DNER: variants seen among roughly 807,000 people sequenced by gnomAD.
DNER encodes the protein delta/notch like EGF repeat containing.
A neutral mutation model predicts 78.2 loss-of-function variants in DNER; 33 were observed. The ratio of observed to expected loss-of-function variants is 0.42; its 90% CI spans 0.32 to 0.56. DNER has a LOEUF of 0.56. Among genes scored for constraint, DNER ranks in the 20% least tolerant of loss-of-function variants. DNER has a pLI of 0.11. For synonymous variants in DNER, 417 were observed against 384.8 expected, an observed-to-expected ratio of 1.08 and a Z score of -0.98; for missense variants, 918 against 975.3, an observed-to-expected ratio of 0.94 and a Z score of 0.78.
At chr2:229,430,826 T>C (rs1347163621) in intron 8 of DNER, among the ~76,000 whole-genome samples, 1 of 151,976 alleles carries the variant, frequency 6.6e-6, no homozygotes, top group Non-Finnish European at 1.5e-5. Context: ...ATGACCATTC[T>C]TTATGTCTAA....
At chr2:229,471,799 T>C (rs147852834) in intron 7 of DNER, among the ~76,000 whole-genome samples, 216 of 152,318 alleles carry the variant, frequency 1.4e-3, no homozygotes, top group African/African-American at 4.9e-3. Flanking sequence ...GTTACTCTAC[T>C]TTATAAATTA....
chr2:229,530,035 G>T (rs570322376), intron 5 of DNER, among the ~76,000 whole-genome samples: 8 of 150,872 alleles, frequency 5.3e-5, no homozygotes, highest in African/African-American at 1.7e-4. Flanking sequence ...TAATAGAAAA[G>T]AAAAATGAAA....
At chr2:229,713,099 A>G (rs1699933104) in intron 1 of DNER, among the ~76,000 whole-genome samples, 1 of 152,178 alleles carries the variant, frequency 6.6e-6, no homozygotes, top group African/African-American at 2.4e-5. Flanking sequence ...TCCACCCTAA[A>G]TGTAAGGAAG....
At chr2:229,409,123 G>T (rs1292049463) in intron 9 of DNER, among the ~76,000 whole-genome samples, 1 of 152,148 alleles carries the variant, frequency 6.6e-6, no homozygotes, top group African/African-American at 2.4e-5. Flanking sequence ...TTCTTCATTT[G>T]GGTGTGTACA....
chr2:229,674,218 G>A (rs756063017), intron 1 of DNER, among the ~76,000 whole-genome samples: 3 of 152,130 alleles, frequency 2.0e-5, no homozygotes, highest in Admixed American at 6.6e-5. Context: ...AGCTCTTCTC[G>A]AATTATGCTA....
At chr2:229,483,211 C>A (rs189286930) in intron 6 of DNER, among the ~76,000 whole-genome samples, 1 of 152,286 alleles carries the variant, frequency 6.6e-6, no homozygotes, top group East Asian at 1.9e-4. Flanking sequence ...CCAGAAACAA[C>A]CTTAGTCCTC....
At chr2:229,453,688 C>A (rs899189193) in intron 7 of DNER, among the ~76,000 whole-genome samples, 1 of 151,944 alleles carries the variant, frequency 6.6e-6, no homozygotes, top group Non-Finnish European at 1.5e-5. Context: ...CTAGCACCTA[C>A]CCCACCCTTT....
chr2:229,540,056 T>A (rs1696481827), intron 5 of DNER, among the ~76,000 whole-genome samples: 1 of 152,150 alleles, frequency 6.6e-6, no homozygotes, highest in Non-Finnish European at 1.5e-5. Context: ...TAAAGACATA[T>A]AAGCATAAAT....
chr2:229,387,172 T>G (rs189324156), intron 11 of DNER, among the ~76,000 whole-genome samples: 4 of 152,110 alleles, frequency 2.6e-5, no homozygotes, highest in Non-Finnish European at 5.9e-5. Flanking sequence ...TCCTGTCCTT[T>G]GCAGGGACAT....
chr2:229,539,793 G>T (rs934108402), intron 5 of DNER, among the ~76,000 whole-genome samples: 7 of 152,138 alleles, frequency 4.6e-5, no homozygotes, highest in Non-Finnish European at 1.0e-4. Flanking sequence ...GGTTCTCCAT[G>T]ATCTCACATC....
chr2:229,578,311 G>A (rs1697337488), intron 4 of DNER, among the ~76,000 whole-genome samples: 1 of 152,168 alleles, frequency 6.6e-6, no homozygotes, highest in East Asian at 1.9e-4. Context: ...CCAGGAAGCA[G>A]TCACAGGAGC....
At chr2:229,645,899 A>C (rs148084322) in intron 1 of DNER, among the ~76,000 whole-genome samples, 351 of 152,332 alleles carry the variant, frequency 2.3e-3, no homozygotes, top group African/African-American at 8.2e-3. Context: ...ACAAACAACT[A>C]TATGCACACA....
chr2:229,595,972 C>T (rs921387680), intron 1 of DNER, among the ~76,000 whole-genome samples: 28 of 143,382 alleles, frequency 2.0e-4, no homozygotes, highest in Admixed American at 3.5e-4. Context: ...GACGTTTGAC[C>T]CTTCTTTCCT....
rs369619959 is a variant in DNER, at chr2:229,440,733, G to A, written c.1486+6583C>T. ...TGTACCCAAGCCCTAAAGAGGGTGC[G>A]TATGCACATTTCCCATTTCCTCTGA... On this transcript the variant is annotated intron_variant, in intron 8 of 12. Transcript: ENST00000341772. Among the ~76,000 whole-genome samples, 78 of 152,272 alleles carry A rather than the reference G, an allele frequency of 5.1e-4. 1 individual carries two copies. The highest frequency in any genetic ancestry group is 1.8e-3 in the African/African-American group (75 of 41,550).
intron 5 of DNER, among the ~76,000 whole-genome samples, chr2:229,520,199 G>A (rs1198020226): frequency 6.6e-6 from 1 of 152,138 alleles, no homozygotes; most frequent in Non-Finnish European, 1.5e-5. Context: ...TTCTGCACAG[G>A]CACAGGATCT....
chr2:229,483,760 C>T (rs1421819221), intron 6 of DNER, among the ~76,000 whole-genome samples: 1 of 152,214 alleles, frequency 6.6e-6, no homozygotes, highest in Non-Finnish European at 1.5e-5. Context: ...TGCCCACCCT[C>T]TTTCATTAGT....
chr2:229,595,620 T>A (rs1395780226), intron 1 of DNER, among the ~76,000 whole-genome samples: 1 of 152,164 alleles, frequency 6.6e-6, no homozygotes, highest in Non-Finnish European at 1.5e-5. Context: ...GTCTGTAATG[T>A]GCCTGCCCTA....
At chr2:229,432,256 G>A (rs936046019) in intron 8 of DNER, among the ~76,000 whole-genome samples, 2 of 152,142 alleles carry the variant, frequency 1.3e-5, no homozygotes, top group Non-Finnish European at 2.9e-5. Flanking sequence ...TAATTGAGGT[G>A]AGGAAGATGA....
At chr2:229,683,208 C>A (rs150927131) in intron 1 of DNER, among the ~76,000 whole-genome samples, 17 of 152,250 alleles carry the variant, frequency 1.1e-4, no homozygotes, top group African/African-American at 3.6e-4. Context: ...CCCCTACCCC[C>A]CTCTTAGATA....
Sources: allele counts gnomAD v4.1 joint callset (sites outside exome capture counted in the v4.1 genomes callset), GRCh38; gene constraint gnomAD v4.1.1; transcripts MANE v1.5; gene names NCBI Gene and HGNC (gene_info 2026-07-23, HGNC 2026-07-21).